PDE1A: variants seen among roughly 807,000 people sequenced by gnomAD.
PDE1A encodes dual specificity calcium/calmodulin-dependent 3',5'-cyclic nucleotide phosphodiesterase 1A.
Under a neutral mutation model 61.7 loss-of-function variants are expected in PDE1A, and 35 were observed. That is an observed-to-expected ratio of 0.57 (90% CI 0.43 to 0.75). PDE1A has a LOEUF of 0.75. PDE1A is among the 30% of genes least tolerant of loss of function. The pLI is 0.00. For missense variants in PDE1A, 597 were observed against 630.6 expected (o/e 0.95, Z 0.57); for synonymous variants, 232 against 213.2 (o/e 1.09, Z -0.77).
chr2:182,476,812 A>C (rs185145733), intron 2 of PDE1A, among the ~76,000 whole-genome samples: 1 of 151,834 alleles, frequency 6.6e-6, no homozygotes, highest in Non-Finnish European at 1.5e-5. Flanking sequence ...AAAATGAAAG[A>C]ATAAAAGACC....
chr2:182,588,914 A>G, the PDE1A span, among the ~76,000 whole-genome samples: 1 of 151,740 alleles, frequency 6.6e-6, no homozygotes, highest in East Asian at 1.9e-4. Flanking sequence ...ATGATGGCGG[A>G]TGCCTGTAAT....
chr2:182,163,257 G>C (rs1008729868), downstream of PDE1A, among the ~76,000 whole-genome samples: 1 of 152,122 alleles, frequency 6.6e-6, no homozygotes, highest in African/African-American at 2.4e-5. Flanking sequence ...TATTGTTCTG[G>C]TAAATGCTTT....
intron 7 of PDE1A, among the ~76,000 whole-genome samples, chr2:182,215,401 G>T (rs1688072260): frequency 7.2e-6 from 1 of 139,154 alleles, no homozygotes; most frequent in East Asian, 2.2e-4. Flanking sequence ...CAGAAGGCAA[G>T]AAATAACTAA....
downstream of PDE1A, among the ~76,000 whole-genome samples, chr2:182,143,719 G>A (rs1022806286): frequency 6.6e-6 from 1 of 152,132 alleles, no homozygotes; most frequent in African/African-American, 2.4e-5. Flanking sequence ...GTTTCACCGT[G>A]TTAGCCAGGA....
the PDE1A span, among the ~76,000 whole-genome samples, chr2:182,716,780 C>G: frequency 2.6e-5 from 4 of 152,186 alleles, no homozygotes; most frequent in Admixed American, 6.5e-5. Flanking sequence ...CCCCTCTCCC[C>G]TCTCCCACTC....
At chr2:182,333,097 A>G (rs1697531971) in intron 1 of PDE1A, among the ~76,000 whole-genome samples, 1 of 152,182 alleles carries the variant, frequency 6.6e-6, no homozygotes. Context: ...TTAGAGACAT[A>G]CAAAGAGATG....
intron 2 of PDE1A, among the ~76,000 whole-genome samples, chr2:182,489,954 T>C (rs116637159): frequency 0.014 from 1,788 of 132,046 alleles, 37 homozygotes; most frequent in African/African-American, 0.049. Context: ...AATCTGAGAA[T>C]TCAGCACTGG....
At chr2:182,347,853 G>T (rs1248283982) in intron 1 of PDE1A, among the ~76,000 whole-genome samples, 1 of 152,116 alleles carries the variant, frequency 6.6e-6, no homozygotes, top group East Asian at 1.9e-4. Context: ...CTTCATGAAG[G>T]AGGAGCATAA....
the PDE1A span, among the ~76,000 whole-genome samples, chr2:182,631,860 A>G: frequency 6.6e-6 from 1 of 152,218 alleles, no homozygotes; most frequent in Non-Finnish European, 1.5e-5. Context: ...CAAACACGTA[A>G]GTGGAACTCA....
chr2:182,639,594 C>G, the PDE1A span, among the ~76,000 whole-genome samples: 6 of 151,984 alleles, frequency 3.9e-5, no homozygotes, highest in Admixed American at 6.6e-5. Context: ...TAAAAACTAT[C>G]ATCTAAATGA....
upstream of PDE1A, among the ~76,000 whole-genome samples, chr2:182,428,025 C>T (rs932997149): frequency 2.0e-5 from 3 of 152,080 alleles, no homozygotes; most frequent in African/African-American, 7.2e-5. Flanking sequence ...AGAAAGATCA[C>T]CTTTTTATTT....
intron 10 of PDE1A, among the ~76,000 whole-genome samples, chr2:182,198,661 ACT>A (rs1686344962): frequency 6.6e-6 from 1 of 151,856 alleles, no homozygotes; most frequent in East Asian, 1.9e-4. Context: ...TATTAAACTG[ACT>A]CAAGTTATGA....
chr2:182,166,272 A>G (rs1574533741), downstream of PDE1A, among the ~76,000 whole-genome samples: 1 of 152,232 alleles, frequency 6.6e-6, no homozygotes, highest in Non-Finnish European at 1.5e-5. Flanking sequence ...AGAGAAAAAG[A>G]CCTACCCTGA....
chr2:182,457,016 C>T (rs1685968303), intron 2 of PDE1A, among the ~76,000 whole-genome samples: 1 of 152,046 alleles, frequency 6.6e-6, no homozygotes, highest in Non-Finnish European at 1.5e-5. Flanking sequence ...TTAAACATTT[C>T]CTAACAGTAA....
intron 2 of PDE1A, among the ~76,000 whole-genome samples, chr2:182,482,544 C>T (rs1425329206): frequency 6.6e-6 from 1 of 151,948 alleles, no homozygotes; most frequent in African/African-American, 2.4e-5. Flanking sequence ...ACAACTGGAT[C>T]ACATTGTCAG....
chr2:182,660,396 G>T, the PDE1A span, among the ~76,000 whole-genome samples: 2 of 152,162 alleles, frequency 1.3e-5, no homozygotes, highest in African/African-American at 2.4e-5. Flanking sequence ...TGATCCCATT[G>T]CCCCTCATCC....
intron 13 of PDE1A, among the ~76,000 whole-genome samples, chr2:182,171,955 C>T (rs1160086187): frequency 6.6e-6 from 1 of 151,902 alleles, no homozygotes; most frequent in Non-Finnish European, 1.5e-5. Flanking sequence ...CCACAAAACT[C>T]CCATGAACTC....
intron 13 of PDE1A, among the ~76,000 whole-genome samples, chr2:182,160,224 G>A (rs2125295745): frequency 6.6e-6 from 1 of 152,228 alleles, no homozygotes; most frequent in East Asian, 1.9e-4. Context: ...GTAATGTACT[G>A]CCTTTTATGT....
intron 1 of PDE1A, among the ~76,000 whole-genome samples, chr2:182,342,610 G>C (rs1405598243): frequency 6.6e-6 from 1 of 152,232 alleles, no homozygotes; most frequent in African/African-American, 2.4e-5. Context: ...TTGAACCTGG[G>C]AGGTGGAGGT....
Sources: allele counts gnomAD v4.1 joint callset (sites outside exome capture counted in the v4.1 genomes callset), GRCh38; gene constraint gnomAD v4.1.1; transcripts MANE v1.5; gene names NCBI Gene and HGNC (gene_info 2026-07-23, HGNC 2026-07-21).